The following RARB variants were observed in gnomAD, a reference collection of about 807,000 sequenced individuals.
The protein encoded by RARB is HBV-activated protein.
A neutral mutation model predicts 51.9 loss-of-function variants in RARB; 17 were observed. The ratio of observed to expected loss-of-function variants is 0.33; its 90% CI spans 0.22 to 0.49. RARB has a LOEUF of 0.49. RARB is among the 20% of genes least tolerant of loss of function. The pLI is 0.99. For missense variants in RARB, 369 were observed against 550.8 expected (o/e 0.67, Z 3.30); for synonymous variants, 215 against 195.4 (o/e 1.10, Z -0.84).
chr3:25,230,178 A>G (rs954388806), intron 5 of RARB, among the ~76,000 whole-genome samples: 13 of 152,252 alleles, frequency 8.5e-5, no homozygotes, highest in Middle Eastern at 3.4e-3. Flanking sequence ...TTCTAAAAAT[A>G]ACTATTTGGA....
At position 25,340,811 on chromosome 3, in the gene RARB, C is replaced by G. The variant is rs145992275; in HGVS notation, c.179-120382C>G. ...CGCTTTGGAGAAGCCATTGACAGAG[C>G]TTGAAGCAAATGAAAATCAAGTCTC... is the stretch of plus-strand genomic sequence containing the variant. On this transcript the variant is annotated intron_variant, in intron 5 of 11. Transcript: ENST00000383772. Among the ~76,000 whole-genome samples, 430 of 152,206 alleles carry G rather than the reference C, an allele frequency of 2.8e-3. 1 individual carries two copies. The highest frequency in any genetic ancestry group is 9.6e-3 in the African/African-American group (398 of 41,514).
intron 2 of RARB, among the ~76,000 whole-genome samples, chr3:24,918,752 G>A (rs377333926): frequency 5.3e-5 from 8 of 152,074 alleles, no homozygotes; most frequent in African/African-American, 1.7e-4. Flanking sequence ...TTAGCTGGTC[G>A]TGGTGGCGGG....
At chr3:24,925,099 C>T (rs12636778) in intron 2 of RARB, among the ~76,000 whole-genome samples, 28,247 of 151,848 alleles carry the variant, frequency 0.19, 3,333 homozygotes, top group East Asian at 0.33. Flanking sequence ...TTTTCGCAGC[C>T]CTCTCATATG....
intron 2 of RARB, among the ~76,000 whole-genome samples, chr3:24,902,560 T>A (rs574725251): frequency 2.3e-4 from 35 of 152,238 alleles, no homozygotes; most frequent in African/African-American, 8.4e-4. Context: ...GTTGGGAATT[T>A]TATGAATTTA....
At chr3:25,007,760 A>G (rs186488475) in intron 2 of RARB, among the ~76,000 whole-genome samples, 2 of 152,120 alleles carry the variant, frequency 1.3e-5, no homozygotes, top group South Asian at 2.1e-4. Context: ...TTTGGGCTCA[A>G]TGATGTTTTA....
chr3:24,935,018 T>C (rs772090529), intron 2 of RARB, among the ~76,000 whole-genome samples: 5 of 152,152 alleles, frequency 3.3e-5, no homozygotes, highest in African/African-American at 4.8e-5. Flanking sequence ...TACTATAATA[T>C]TGGTTTACAT....
At chr3:24,916,915 T>C (rs543854375) in intron 2 of RARB, among the ~76,000 whole-genome samples, 6 of 152,230 alleles carry the variant, frequency 3.9e-5, no homozygotes, top group Admixed American at 1.3e-4. Context: ...CATGGATGAA[T>C]CTCAGTAATA....
chr3:24,893,575 G>A (rs185414571), intron 2 of RARB, among the ~76,000 whole-genome samples: 2 of 152,272 alleles, frequency 1.3e-5, no homozygotes, highest in East Asian at 1.9e-4. Flanking sequence ...AGGCTGGAGT[G>A]CAGTAGATCA....
At chr3:25,401,967 AG>A (rs1707275317) in intron 5 of RARB, among the ~76,000 whole-genome samples, 1 of 151,996 alleles carries the variant, frequency 6.6e-6, no homozygotes, top group Non-Finnish European at 1.5e-5. Context: ...TAGTAGAGAC[AG>A]GGTTTCACCA....
At chr3:24,876,161 G>A (rs1021290607) in intron 2 of RARB, among the ~76,000 whole-genome samples, 1 of 152,124 alleles carries the variant, frequency 6.6e-6, no homozygotes, top group African/African-American at 2.4e-5. Flanking sequence ...GTTTAAGGTG[G>A]TGTCTAGTGG....
intron 4 of RARB, among the ~76,000 whole-genome samples, chr3:25,170,549 T>G (rs1288031761): frequency 6.6e-6 from 1 of 152,200 alleles, no homozygotes; most frequent in Non-Finnish European, 1.5e-5. Context: ...AAGAAACTAT[T>G]TGACTTTTAA....
intron 5 of RARB, among the ~76,000 whole-genome samples, chr3:25,265,214 C>G (rs951721458): frequency 6.6e-6 from 1 of 152,144 alleles, no homozygotes; most frequent in Non-Finnish European, 1.5e-5. Context: ...AGAGGCCACT[C>G]AAGCTTATAT....
intron 5 of RARB, among the ~76,000 whole-genome samples, chr3:25,206,926 C>G (rs1011975578): frequency 6.6e-6 from 1 of 152,152 alleles, no homozygotes; most frequent in Admixed American, 6.5e-5. Context: ...AGCTACTTGA[C>G]CACATGAAAG....
chr3:24,871,030 G>A (rs1242145034), intron 2 of RARB, among the ~76,000 whole-genome samples: 2 of 151,194 alleles, frequency 1.3e-5, no homozygotes, highest in African/African-American at 2.4e-5. Context: ...CCATCCTCCG[G>A]TAACCATCAT....
chr3:25,036,274 G>C (rs1697991715), intron 2 of RARB, among the ~76,000 whole-genome samples: 1 of 152,166 alleles, frequency 6.6e-6, no homozygotes, highest in South Asian at 2.1e-4. Context: ...GGACAGAACT[G>C]AGGGTCAGAG....
chr3:25,537,692 T>A (rs1466080062), intron 3 of RARB, among the ~76,000 whole-genome samples: 2 of 152,200 alleles, frequency 1.3e-5, no homozygotes, highest in African/African-American at 4.8e-5. Context: ...TGAATCATGA[T>A]GCCGTTTGAT....
intron 4 of RARB, among the ~76,000 whole-genome samples, chr3:25,149,476 A>G (rs762685743): frequency 2.6e-4 from 40 of 152,242 alleles, no homozygotes; most frequent in Admixed American, 5.9e-4. Flanking sequence ...AACCATTTCC[A>G]TGATGGAGTG....
At chr3:25,421,936 C>T (rs1707875523) in intron 5 of RARB, among the ~76,000 whole-genome samples, 2 of 152,150 alleles carry the variant, frequency 1.3e-5, no homozygotes, top group African/African-American at 2.4e-5. Flanking sequence ...TTAAGCTGAC[C>T]TTTGAGAGCA....
At chr3:25,348,826 C>G (rs1004110367) in intron 5 of RARB, among the ~76,000 whole-genome samples, 2 of 152,144 alleles carry the variant, frequency 1.3e-5, no homozygotes, top group African/African-American at 4.8e-5. Flanking sequence ...GTTTGTAACT[C>G]CCAAAGTTTC....
Sources: gnomAD v4.1 joint callset for allele counts (sites outside exome capture counted in the v4.1 genomes callset) on GRCh38, gnomAD v4.1.1 for gene constraint, MANE v1.5 for transcripts, NCBI Gene and HGNC (gene_info 2026-07-23, HGNC 2026-07-21) for gene names.